The following SETBP1 variants were observed in gnomAD, a reference collection of about 807,000 sequenced individuals.
SETBP1 encodes the protein SET binding protein 1.
A neutral mutation model predicts 101.0 loss-of-function variants in SETBP1; 9 were observed. The observed-to-expected ratio is 0.09, with a 90% confidence interval of 0.05 to 0.16. The LOEUF (loss-of-function observed/expected upper bound fraction) is 0.16, where lower values mean the gene tolerates loss of function less well. Among genes scored for constraint, SETBP1 ranks in the 10% least tolerant of loss-of-function variants. The probability of loss-of-function intolerance (pLI) is 1.00; values close to 1 mark genes in which losing one functional copy is unlikely to be tolerated. For missense variants in SETBP1, 1,858 were observed against 2,033.8 expected, an observed-to-expected ratio of 0.91 and a Z score of 1.66; for synonymous variants, 818 against 788.5, an observed-to-expected ratio of 1.04 and a Z score of -0.63.
chr18:44,989,208 AAAG>A (rs1407462622), intron 4 of SETBP1: 1 of 152,222 alleles, frequency 6.6e-6, no homozygotes, highest in African/African-American at 2.4e-5. Flanking sequence ...TTTAAAAAGT[AAAG>A]AAGAACATCA....
chr18:44,923,268 A>G (rs567653514), intron 3 of SETBP1, among the ~76,000 whole-genome samples: 1 of 152,338 alleles, frequency 6.6e-6, no homozygotes, highest in East Asian at 1.9e-4. Flanking sequence ...TGTGAGTTTC[A>G]TTCAGCTCAA....
intron 2 of SETBP1, among the ~76,000 whole-genome samples, chr18:44,810,735 T>C (rs899028383): frequency 1.4e-4 from 21 of 152,166 alleles, no homozygotes; most frequent in African/African-American, 5.1e-4. Flanking sequence ...ATCACTGGGT[T>C]GAGGGAATGA....
At chr18:44,933,424 G>GTCCAT (rs1318215298) in intron 3 of SETBP1, among the ~76,000 whole-genome samples, 2 of 152,222 alleles carry the variant, frequency 1.3e-5, no homozygotes, top group African/African-American at 4.8e-5. Context: ...GAGGCGGTCT[G>GTCCAT]TCCATTCTCA....
At chr18:44,763,263 G>A (rs1039906804) in intron 2 of SETBP1, among the ~76,000 whole-genome samples, 3 of 152,204 alleles carry the variant, frequency 2.0e-5, no homozygotes, top group Admixed American at 1.3e-4. Flanking sequence ...CATAGAAGAC[G>A]TTAAATGCAA....
Position 44,950,903 on chromosome 18 carries a change from C to G in SETBP1, c.1563C>G (p.Ile521Met). ...CTCCATCCAGAAAGCTGCCAGAAAT[C>G]CAGCATCCAAAATTTGCTGCAAAAC... ...DHSPSRKLPE[I>M]QHPKFAAKRR... Residue 521 changes from isoleucine (I) to methionine (M), a missense_variant, in exon 4 of 6, where the codon ATC becomes ATG. Coordinates refer to ENST00000649279, the MANE Select transcript of SETBP1 (RefSeq NM_015559.3). The G allele has an allele frequency of 6.2e-7, 1 of 1,614,136 alleles. No homozygotes were observed. The highest frequency in any genetic ancestry group is 8.5e-7 in the Non-Finnish European group (1 of 1,180,030).
Position 44,952,092 on chromosome 18 carries a change from C to A in SETBP1, c.2752C>A (p.Arg918=), listed in dbSNP as rs757255318. 1 of 1,613,942 alleles carries A rather than the reference C, an allele frequency of 6.2e-7. No homozygotes were observed. Among genetic ancestry groups the A allele is most frequent in the African/African-American group, 1.3e-5 (1 of 74,898 alleles). ...CAGCACAAAGAACCGGCATGGCCAC[C>A]GGCAAAAGCATCTCATTGTGGACAA... ...DTSTKNRHGH[R]QKHLIVDNFL... The change falls in exon 4 of 6, where the codon CGG becomes AGG. Residue 918 remains arginine, a synonymous_variant. Coordinates refer to ENST00000649279, the MANE Select transcript of SETBP1 (RefSeq NM_015559.3).
chr18:44,892,664 G>C (rs1382324007), intron 3 of SETBP1, among the ~76,000 whole-genome samples: 1 of 152,022 alleles, frequency 6.6e-6, no homozygotes, highest in Non-Finnish European at 1.5e-5. Flanking sequence ...AAATTATTCT[G>C]TGTATAGAGT....
At chr18:44,697,332 T>C (rs2069036852) in intron 1 of SETBP1, 1 of 152,284 alleles carries the variant, frequency 6.6e-6, no homozygotes, top group South Asian at 2.1e-4. Context: ...GCTGATGAAG[T>C]AAACAGACAG....
intron 4 of SETBP1, among the ~76,000 whole-genome samples, chr18:44,984,097 AG>A (rs2072175927): frequency 6.6e-6 from 1 of 152,166 alleles, no homozygotes; most frequent in South Asian, 2.1e-4. Context: ...GCTAGTCAGG[AG>A]GCTGAGGCAG....
chr18:44,806,209 A>T (rs1360200064), intron 2 of SETBP1, among the ~76,000 whole-genome samples: 4 of 152,208 alleles, frequency 2.6e-5, no homozygotes, highest in Non-Finnish European at 5.9e-5. Context: ...GTAGAAAAAG[A>T]GATCTTTGTT....
chr18:44,782,300 G>A (rs1246781925), intron 2 of SETBP1, among the ~76,000 whole-genome samples: 2 of 130,432 alleles, frequency 1.5e-5, no homozygotes, highest in Non-Finnish European at 3.2e-5. Flanking sequence ...TTTACAACAT[G>A]TAAAATAAAC....
chr18:44,838,518 C>T (rs2072543628), intron 2 of SETBP1, among the ~76,000 whole-genome samples: 1 of 152,292 alleles, frequency 6.6e-6, no homozygotes, highest in Middle Eastern at 3.4e-3. Context: ...TGCAGTTGTA[C>T]ATCTGTCACC....
intron 2 of SETBP1, among the ~76,000 whole-genome samples, chr18:44,718,385 G>A (rs991237484): frequency 6.6e-6 from 1 of 152,190 alleles, no homozygotes; most frequent in African/African-American, 2.4e-5. Flanking sequence ...CCAGAGCTGT[G>A]AGAGCAGGAG....
At chr18:44,833,032 G>A (rs549332150) in intron 2 of SETBP1, among the ~76,000 whole-genome samples, 191 of 152,352 alleles carry the variant, frequency 1.3e-3, no homozygotes, top group African/African-American at 4.5e-3. Flanking sequence ...CAGTGGAGGT[G>A]GATGGAAAGT....
chr18:44,897,011 A>G (rs1157809101), intron 3 of SETBP1, among the ~76,000 whole-genome samples: 3 of 152,206 alleles, frequency 2.0e-5, no homozygotes, highest in African/African-American at 2.4e-5. Flanking sequence ...GCTGTCGCCC[A>G]GAGTGTATTG....
intron 3 of SETBP1, among the ~76,000 whole-genome samples, chr18:44,919,388 C>T (rs1279394847): frequency 6.6e-6 from 1 of 151,080 alleles, no homozygotes; most frequent in Non-Finnish European, 1.5e-5. Context: ...ACTCTGTCAC[C>T]AGGCAGGCTG....
At chr18:44,850,389 G>A (rs1414985574) in intron 2 of SETBP1, among the ~76,000 whole-genome samples, 2 of 144,684 alleles carry the variant, frequency 1.4e-5, no homozygotes, top group African/African-American at 2.6e-5. Context: ...CTTTTTTTTT[G>A]AGACAGAGTC....
chr18:44,924,179 C>T (rs193162379), intron 3 of SETBP1, among the ~76,000 whole-genome samples: 1 of 152,302 alleles, frequency 6.6e-6, no homozygotes, highest in Admixed American at 6.5e-5. Context: ...AAGAGGGCAA[C>T]TGCCATCTAG....
chr18:45,019,219 C>T (rs1185633288), intron 4 of SETBP1, among the ~76,000 whole-genome samples: 1 of 152,190 alleles, frequency 6.6e-6, no homozygotes, highest in Non-Finnish European at 1.5e-5. Context: ...TAAAAACAAA[C>T]ACATTCCACA....
Sources: gnomAD v4.1 joint callset for allele counts (sites outside exome capture counted in the v4.1 genomes callset) on GRCh38, gnomAD v4.1.1 for gene constraint, MANE v1.5 for transcripts, NCBI Gene and HGNC (gene_info 2026-07-23, HGNC 2026-07-21) for gene names.